The following CIZ1 variants were observed in gnomAD, a reference collection of about 807,000 sequenced individuals.
CIZ1 encodes the protein CDKN1A interacting zinc finger protein 1.
A neutral mutation model predicts 118.6 loss-of-function variants in CIZ1; 58 were observed. That is an observed-to-expected ratio of 0.49 (90% CI 0.40 to 0.61). The LOEUF is 0.61. Ranked by LOEUF, CIZ1 falls within the 20% of genes least tolerant of loss-of-function variation. The probability of loss-of-function intolerance (pLI) is 0.00; values close to 1 mark genes in which losing one functional copy is unlikely to be tolerated. For missense variants in CIZ1, 921 were observed against 1,115.9 expected (o/e 0.83, Z 2.49); for synonymous variants, 448 against 443.4 (o/e 1.01, Z -0.13).
intron 6 of CIZ1, 35 bp from the exon 7 acceptor site, chr9:128,180,558 G>T (rs781479820): frequency 1.9e-6 from 3 of 1,570,698 alleles, no homozygotes; most frequent in Non-Finnish European, 2.6e-6. Flanking sequence ...AACTCATGTT[G>T]GGAAGAGCAA....
chr9:128,167,834 C>T (rs770377792), intron 14 of CIZ1, among the ~76,000 whole-genome samples: 29 of 152,220 alleles, frequency 1.9e-4, no homozygotes, highest in Admixed American at 1.8e-3. Context: ...CAACCACCCC[C>T]GTTTGCTAAG....
chr9:128,180,698 G>A, intron 6 of CIZ1, 23 bp downstream of exon 6: 1 of 1,567,966 alleles, frequency 6.4e-7, no homozygotes, highest in South Asian at 1.1e-5. Flanking sequence ...CCCTCTGAAG[G>A]GCCAGCAGCC....
intron 2 of CIZ1, 108 bp downstream of exon 2, chr9:128,190,580 C>T: frequency 7.0e-7 from 1 of 1,433,342 alleles, no homozygotes; most frequent in Admixed American, 2.0e-5. Flanking sequence ...TGGTGATCTC[C>T]AGGACTCAAA....
In CIZ1 at chr9:128,191,485, C is replaced by G; in HGVS notation, c.-59G>C. 3.0e-6 allele frequency: 3 copies of G among 992,750 alleles called. No homozygotes were observed. Among genetic ancestry groups the G allele is most frequent in the Non-Finnish European group, 1.2e-6 (1 of 833,608 alleles). The allele number at this position is 992,750 out of a possible 1,614,324, so 61.5% of individuals were successfully genotyped here. A position where few individuals can be genotyped will look rare whatever the true frequency, so the allele number is the denominator to read the frequency against. ...AAGTCGCCCCCACGGATGGGCCGGC[C>G]CCGCAGCCCCCACGCCTCGGCCGGG... On this transcript the variant is annotated 5_prime_UTR_variant, in exon 1 of 17. Transcript: ENST00000372938. The surrounding 1 kb of genome is among the most constrained non-coding windows in gnomAD (Gnocchi z 5.5).
chr9:128,194,489 G>A (rs549208349), upstream of CIZ1, among the ~76,000 whole-genome samples: 4 of 151,794 alleles, frequency 2.6e-5, no homozygotes, highest in African/African-American at 7.2e-5. Context: ...GGTTGTTCAT[G>A]GAAATATTTA....
At chr9:128,167,472 A>G (rs45572234) in intron 14 of CIZ1, 2 of 349,630 alleles carry the variant, frequency 5.7e-6, no homozygotes, top group Middle Eastern at 7.7e-4. Flanking sequence ...CTGAATCCTC[A>G]TAACAGCCCT....
chr9:128,191,422 G>A lies in CIZ1; in HGVS notation c.-6+10C>T. 1.1e-6 allele frequency: 1 copy of A among 929,462 alleles called. No homozygotes were observed. The highest frequency in any genetic ancestry group is 1.3e-6 in the Non-Finnish European group (1 of 777,112). 57.6% of individuals were successfully genotyped at this position (929,462 alleles called of 1,614,324 possible). ...GGAGCCCCACGACCCAGCCGCCCCC[G>A]GCCCCGCACCTCGCCTCCCCGCGCG... is the stretch of plus-strand genomic sequence containing the variant. On this transcript the variant is annotated intron_variant, in intron 1 of 16. Transcript: ENST00000372938. The surrounding 1 kb of genome is among the most constrained non-coding windows in gnomAD (Gnocchi z 5.5).
intron 1 of CIZ1, chr9:128,197,898 C>T (rs45591035): frequency 2.0e-5 from 3 of 152,230 alleles, no homozygotes; most frequent in African/African-American, 7.2e-5. Context: ...TATAATCCCC[C>T]TTTTACAGAT....
At chr9:128,188,301 C>T (rs1425736144) in intron 3 of CIZ1, among the ~76,000 whole-genome samples, 2 of 152,056 alleles carry the variant, frequency 1.3e-5, no homozygotes, top group East Asian at 1.9e-4. Context: ...GGACTTATAT[C>T]AATCACAATC....
At chr9:128,180,553 A>G in intron 6 of CIZ1, 30 bp from the exon 7 acceptor site, 1 of 1,584,216 alleles carries the variant, frequency 6.3e-7, no homozygotes, top group Non-Finnish European at 8.7e-7. Flanking sequence ...GAGGGAACTC[A>G]TGTTGGGAAG....
upstream of CIZ1, among the ~76,000 whole-genome samples, chr9:128,192,723 A>G (rs926177807): frequency 2.0e-5 from 3 of 152,122 alleles, no homozygotes; most frequent in East Asian, 5.8e-4. Context: ...TTGTATTTTT[A>G]ATAGAGACGG....
chr9:128,166,374 G>A lies in CIZ1; in HGVS notation c.2520C>T (p.Thr840=), dbSNP rs184638839. The A allele has an allele frequency of 7.7e-5, 120 of 1,554,694 alleles. No homozygotes were observed. Among genetic ancestry groups the A allele is most frequent in the Middle Eastern group, 1.7e-4 (1 of 5,928 alleles). The change falls in exon 17 of 17, where the codon ACC becomes ACT. Residue 840 remains threonine (T), a synonymous_variant. Transcript: ENST00000372938. The surrounding 1 kb of genome is among the most constrained non-coding windows in gnomAD (Gnocchi z 4.4). ...KYKAAKNPSP[T]TRPVSRRCAI... ...CGCACCGGCGGCTCACAGGTCGGGT[G>A]GTGGGGCTGGGGTTCTTGGCCGCCT...
In CIZ1 at chr9:128,170,057, C is replaced by T. The variant is rs1829944305; in HGVS notation, c.1994G>A (p.Gly665Glu). 7 of 1,614,082 alleles carry T rather than the reference C, an allele frequency of 4.3e-6. No individual in the cohort carries two copies. Among genetic ancestry groups the T allele is most frequent in the Non-Finnish European group, 5.9e-6 (7 of 1,180,004 alleles). Residue 665 changes from glycine (G) to glutamate (E), a missense_variant, in exon 12 of 17, where the codon GGG becomes GAG. Physicochemically the swap from Gly to Glu is moderately conservative, Grantham distance 98 (BLOSUM62 -2). Coordinates refer to ENST00000372938, the MANE Select transcript of CIZ1 (RefSeq NM_001131016.2). Reference protein sequence around the residue: ...WCNTCQLYYMGDLIQHRRTQD... With the variant: ...WCNTCQLYYMEDLIQHRRTQD... ...TGTCCTGCGGTGTTGGATCAGGTCC[C>T]CCATGTAGTAGAGCTGGCAGGTGTT...
upstream of CIZ1, among the ~76,000 whole-genome samples, chr9:128,193,115 A>G (rs1432020716): frequency 6.6e-6 from 1 of 152,216 alleles, no homozygotes; most frequent in East Asian, 1.9e-4. Flanking sequence ...TGAGGAGCCT[A>G]ACTCAACCTG....
chr9:128,183,669 G>A (rs569086696), intron 5 of CIZ1, among the ~76,000 whole-genome samples: 1 of 152,332 alleles, frequency 6.6e-6, no homozygotes, highest in Admixed American at 6.5e-5. Context: ...AGGGGGCTGT[G>A]GGCTGGAACC....
chr9:128,203,299 G>A lies in CIZ1; in HGVS notation c.-6+887C>T, dbSNP rs1402011110. On this transcript the variant is annotated intron_variant, in intron 1 of 17. Transcript: ENST00000372948. This position sits in a 1 kb window ranked among gnomAD's most constrained non-coding sequence, Gnocchi z 5.3. ...GCCTGCGCACGGCGGCCGGCCCGCA[G>A]CGCCGCGGGCTCCCCCTAGCGGCGT... is the stretch of plus-strand genomic sequence containing the variant. 2 of 396,490 alleles carry A rather than the reference G, an allele frequency of 5.0e-6. No homozygotes were observed. Among genetic ancestry groups the A allele is most frequent in the African/African-American group, 2.2e-5 (1 of 46,478 alleles). 24.6% of individuals were successfully genotyped at this position (396,490 alleles called of 1,614,324 possible). A position where few individuals can be genotyped will look rare whatever the true frequency, so the allele number is the denominator to read the frequency against.
chr9:128,190,360 C>T lies in CIZ1; in HGVS notation c.255G>A (p.Leu85=). The T allele has an allele frequency of 3.1e-6, 5 of 1,613,956 alleles. No homozygotes were observed. The highest frequency in any genetic ancestry group is 4.2e-6 in the Non-Finnish European group (5 of 1,179,880). The change falls in exon 3 of 17, where the codon CTG becomes CTA. Residue 85 remains leucine, a synonymous_variant. Transcript: ENST00000372938. ...ACTGCTGTAAAAGCAAAGCTCTCTG[C>T]AGCATGGAGCCGTTGAGGAGGGAGG... ...NSASLLNGSM[L]QRALLLQQLQ...
chr9:128,184,684 T>C (rs1832126845), intron 5 of CIZ1, among the ~76,000 whole-genome samples: 1 of 151,898 alleles, frequency 6.6e-6, no homozygotes, highest in Admixed American at 6.6e-5. Context: ...ATTTATTTTT[T>C]GAGACAGAGT....
At chr9:128,177,812 G>C in intron 9 of CIZ1, 49 bp from the exon 10 acceptor site, 1 of 1,322,748 alleles carries the variant, frequency 7.6e-7, no homozygotes, top group East Asian at 2.5e-5. Flanking sequence ...TACTTATAGT[G>C]GGCCAGCCCA....
Sources: gnomAD v4.1 joint callset for allele counts (sites outside exome capture counted in the v4.1 genomes callset) on GRCh38, gnomAD v4.1.1 for gene constraint, Gnocchi (gnomAD v3.1) non-coding constraint, MANE v1.5 for transcripts, NCBI Gene and HGNC (gene_info 2026-07-23, HGNC 2026-07-21) for gene names.